GSAP: variants seen among roughly 807,000 people sequenced by gnomAD.
GSAP encodes the protein gamma-secretase-activating protein.
Under a neutral mutation model 131.7 loss-of-function variants are expected in GSAP, and 118 were observed. The ratio of observed to expected loss-of-function variants is 0.90; its 90% CI spans 0.77 to 1.04. The LOEUF (loss-of-function observed/expected upper bound fraction) is 1.04, where lower values mean the gene tolerates loss of function less well. GSAP is among the 50% of genes least tolerant of loss of function. The probability of loss-of-function intolerance (pLI) is 0.00; values close to 1 mark genes in which losing one functional copy is unlikely to be tolerated. For missense variants in GSAP, 1,019 were observed against 1,013.2 expected, an observed-to-expected ratio of 1.01 and a Z score of -0.08; for synonymous variants, 381 against 363.4, an observed-to-expected ratio of 1.05 and a Z score of -0.55.
At position 77,376,895 on chromosome 7, in the gene GSAP, T is replaced by C. The variant is rs1796971808; in HGVS notation, c.694A>G (p.Ile232Val). The stretch of plus-strand genomic sequence containing the variant: ...GCATAAAACTGGATACATTTTAAGA[T>C]ACTCCTTGATTTCTAAAAGAGAAAA... ...YYIDLKKSRS[I>V]LKCIQFYADE... Residue 232 changes from isoleucine (I) to valine (V), a missense_variant, in exon 10 of 31, where the codon ATC becomes GTC. Ile to Val is a conservative substitution (Grantham distance 29, BLOSUM62 3). Coordinates refer to ENST00000257626, the MANE Select transcript of GSAP (RefSeq NM_017439.4). 2.7e-6 allele frequency: 4 copies of C among 1,459,746 alleles called. No individual in the cohort carries two copies. The highest frequency in any genetic ancestry group is 1.3e-5 in the South Asian group (1 of 79,986). The allele number at this position is 1,459,746 out of a possible 1,614,324, so 90.4% of individuals were successfully genotyped here.
In GSAP at chr7:77,334,955, C is replaced by T. The variant is rs373587796; in HGVS notation, c.1546-4588G>A. On this transcript the variant is annotated intron_variant, in intron 19 of 30. Transcript: ENST00000257626. ...AAAATTAGCCGGGTGTGGTGGCGGG[C>T]GCCTGTAATCCCAGCTACTCTGGAG... is the stretch of plus-strand genomic sequence containing the variant. Among the ~76,000 whole-genome samples the T allele has an allele frequency of 7.9e-5, 12 of 151,866 alleles. No individual in the cohort carries two copies. The East Asian group carries it at 9.7e-4, about 12-fold the overall frequency.
chr7:77,390,995 T>C (rs968496044), intron 5 of GSAP, among the ~76,000 whole-genome samples: 1 of 123,334 alleles, frequency 8.1e-6, no homozygotes, highest in African/African-American at 3.2e-5. Context: ...TAGCCGGGTG[T>C]GGTGGCACTC....
intron 19 of GSAP, among the ~76,000 whole-genome samples, chr7:77,341,412 C>T (rs1790879482): frequency 6.6e-6 from 1 of 152,154 alleles, no homozygotes; most frequent in African/African-American, 2.4e-5. Flanking sequence ...ATCCTTTTAT[C>T]ACCTCGCCTC....
At chr7:77,402,679 G>C (rs1429232207) in intron 3 of GSAP, among the ~76,000 whole-genome samples, 1 of 140,122 alleles carries the variant, frequency 7.1e-6, no homozygotes, top group Non-Finnish European at 1.5e-5. Context: ...CCATCAAAAG[G>C]TCCGTAAAAA....
intron 8 of GSAP, among the ~76,000 whole-genome samples, chr7:77,379,128 A>G (rs192043204): frequency 1.3e-5 from 2 of 152,096 alleles, no homozygotes; most frequent in African/African-American, 4.8e-5. Flanking sequence ...CATTTTTCTG[A>G]AATTTGTTGA....
chr7:77,352,899 G>A (rs779531708), intron 18 of GSAP, 45 bp downstream of exon 18: 5 of 1,121,442 alleles, frequency 4.5e-6, no homozygotes, highest in South Asian at 2.5e-5. Context: ...ACCCACAACT[G>A]TGAATTGATT....
At chr7:77,332,045 C>T (rs982013052) in intron 19 of GSAP, 1 of 152,240 alleles carries the variant, frequency 6.6e-6, no homozygotes, top group Non-Finnish European at 1.5e-5. Flanking sequence ...GTTGTGGTGA[C>T]ATCTAGTGTT....
intron 26 of GSAP, chr7:77,315,998 GT>G (rs1468515011): frequency 6.6e-6 from 1 of 152,212 alleles, no homozygotes; most frequent in Admixed American, 6.5e-5. Flanking sequence ...ATGAGTGCAG[GT>G]GACAGAGGTT....
At chr7:77,401,496 A>G (rs1185126338) in intron 3 of GSAP, among the ~76,000 whole-genome samples, 1 of 152,148 alleles carries the variant, frequency 6.6e-6, no homozygotes, top group East Asian at 1.9e-4. Context: ...TACACTTGGC[A>G]AAATTATCCT....
At chr7:77,321,930 T>C (rs927960344) in intron 24 of GSAP, among the ~76,000 whole-genome samples, 3 of 152,178 alleles carry the variant, frequency 2.0e-5, no homozygotes, top group Admixed American at 6.5e-5. Flanking sequence ...AAATATTTCA[T>C]AGGGTTTTTG....
At chr7:77,330,826 C>G in intron 19 of GSAP, 1 of 983,208 alleles carries the variant, frequency 1.0e-6, no homozygotes, top group East Asian at 1.1e-4. Flanking sequence ...AATTTATTTA[C>G]TGCCCAGGAC....
chr7:77,370,726 T>C (rs1356716445), intron 12 of GSAP, among the ~76,000 whole-genome samples: 2 of 152,200 alleles, frequency 1.3e-5, no homozygotes, highest in African/African-American at 4.8e-5. Flanking sequence ...CATGCTGCTA[T>C]GACTTTTCTC....
chr7:77,341,187 T>C (rs889116794), intron 19 of GSAP, among the ~76,000 whole-genome samples: 3 of 152,170 alleles, frequency 2.0e-5, no homozygotes, highest in Admixed American at 1.3e-4. Context: ...CTTCTACACA[T>C]TGGTCCCTCC....
chr7:77,389,203 A>T lies in GSAP; in HGVS notation c.368-1755T>A, dbSNP rs759940031. On this transcript the variant is annotated intron_variant, in intron 5 of 30. Coordinates refer to ENST00000257626, the MANE Select transcript of GSAP (RefSeq NM_017439.4). The stretch of plus-strand genomic sequence containing the variant: ...AGTATATTAAATAGCACGAACTGAC[A>T]TTTTTTTGACCTAAAAGTATGCGTG... Among the ~76,000 whole-genome samples the T allele has an allele frequency of 7.4e-4, 112 of 151,432 alleles. 2 individuals are homozygous for T. The highest frequency in any genetic ancestry group is 9.7e-4 in the East Asian group (5 of 5,174).
At chr7:77,387,251 G>C in intron 6 of GSAP, 109 bp downstream of exon 6, 1 of 660,028 alleles carries the variant, frequency 1.5e-6, no homozygotes, top group Non-Finnish European at 2.7e-6. Flanking sequence ...CTACAAGACT[G>C]TTCTGAGGAT....
chr7:77,343,684 C>T (rs1791355063), intron 19 of GSAP, among the ~76,000 whole-genome samples: 1 of 152,194 alleles, frequency 6.6e-6, no homozygotes, highest in African/African-American at 2.4e-5. Flanking sequence ...CGGTCACTTC[C>T]ACCTACTCCC....
At chr7:77,377,056 T>A in intron 9 of GSAP, 149 bp from the exon 10 acceptor site, 1 of 671,338 alleles carries the variant, frequency 1.5e-6, no homozygotes, top group South Asian at 2.1e-5. Flanking sequence ...ATTGTTCTTA[T>A]AAAAAAGAGT....
chr7:77,399,714 G>C (rs569911664), intron 3 of GSAP, among the ~76,000 whole-genome samples: 1 of 151,364 alleles, frequency 6.6e-6, no homozygotes, highest in Admixed American at 6.6e-5. Context: ...GGGGGGGGGC[G>C]GGGCAAAGTG....
chr7:77,328,118 G>T, intron 22 of GSAP: 1 of 681,856 alleles, frequency 1.5e-6, no homozygotes, highest in African/African-American at 1.9e-5. Context: ...GTCCAGCTCT[G>T]TCTAGCTCTC....
Sources: gnomAD v4.1 joint callset for allele counts (sites outside exome capture counted in the v4.1 genomes callset) on GRCh38, gnomAD v4.1.1 for gene constraint, MANE v1.5 for transcripts, NCBI Gene and HGNC (gene_info 2026-07-23, HGNC 2026-07-21) for gene names.